Variants in DPP6 observed in about 807,000 individuals in gnomAD.
DPP6 encodes A-type potassium channel modulatory protein DPP6.
DPP6 carries 69 observed loss-of-function variants against 122.6 expected under a neutral mutation model. That is an observed-to-expected ratio of 0.56 (90% CI 0.46 to 0.69). The LOEUF (loss-of-function observed/expected upper bound fraction) is 0.69. Among genes scored for constraint, DPP6 ranks in the 30% least tolerant of loss-of-function variants. The pLI is 0.00. For synonymous variants in DPP6, 418 were observed against 433.1 expected (o/e 0.97, Z 0.43); for missense variants, 928 against 1,116.9 (o/e 0.83, Z 2.41).
In DPP6 at chr7:154,828,214, G is replaced by A. The variant is rs1584817747; in HGVS notation, c.1666+21102G>A. 3.9e-5 allele frequency among the ~76,000 whole-genome samples: 6 copies of A among 152,306 alleles called. 2 individuals carry two copies. The highest frequency in any genetic ancestry group is 3.9e-4 in the Admixed American group (6 of 15,304). On this transcript the variant is annotated intron_variant, in intron 16 of 25. Coordinates refer to ENST00000377770, the MANE Select transcript of DPP6 (RefSeq NM_130797.4). ...ATACACAGCCCCAAGAGCATTTGGG[G>A]AAGATGGGGCATCAGCTCAGGGATT...
intron 3 of DPP6, among the ~76,000 whole-genome samples, chr7:154,492,928 G>T (rs990223716): frequency 2.6e-5 from 4 of 152,200 alleles, no homozygotes; most frequent in African/African-American, 9.6e-5. Flanking sequence ...GAACTAAGAT[G>T]TAACCCAAAT....
intron 1 of DPP6, among the ~76,000 whole-genome samples, chr7:154,076,050 C>T (rs1280458227): frequency 1.3e-5 from 2 of 151,792 alleles, no homozygotes; most frequent in Non-Finnish European, 2.9e-5. Flanking sequence ...TGTCACTGCT[C>T]AGGTCCTGCT....
intron 5 of DPP6, among the ~76,000 whole-genome samples, chr7:154,569,065 G>A (rs985248548): frequency 6.6e-6 from 1 of 152,022 alleles, no homozygotes; most frequent in Admixed American, 6.6e-5. Flanking sequence ...TACAATCCAA[G>A]TTCTTGAAAT....
intron 2 of DPP6, among the ~76,000 whole-genome samples, chr7:154,460,056 A>C (rs961389502): frequency 7.5e-6 from 1 of 132,900 alleles, no homozygotes; most frequent in African/African-American, 2.9e-5. Context: ...ATCCTAGCTC[A>C]CCACAACCTC....
intron 1 of DPP6, among the ~76,000 whole-genome samples, chr7:154,342,933 A>G (rs1265051167): frequency 6.6e-6 from 1 of 152,220 alleles, no homozygotes; most frequent in Non-Finnish European, 1.5e-5. Flanking sequence ...AAATTTATTT[A>G]TTAAAGAAAC....
chr7:153,955,735 G>C (rs1019387952), intron 1 of DPP6, among the ~76,000 whole-genome samples: 1 of 152,138 alleles, frequency 6.6e-6, no homozygotes, highest in Non-Finnish European at 1.5e-5. Flanking sequence ...CACTGCGCCC[G>C]GCCCGTTGTT....
chr7:154,673,372 C>A lies in DPP6; in HGVS notation c.762+3931C>A, dbSNP rs140500288. ...GAGCCCCTATATCACAGGTGATGAC[C>A]CAGGGAACCAGGGATGGGTGAGGGC... On this transcript the variant is annotated intron_variant, in intron 7 of 25. Transcript: ENST00000377770. Among the ~76,000 whole-genome samples, 363 of 152,208 alleles carry A rather than the reference C, an allele frequency of 2.4e-3. 2 individuals are homozygous for A. The highest frequency in any genetic ancestry group is 7.9e-3 in the African/African-American group (329 of 41,508).
intron 1 of DPP6, among the ~76,000 whole-genome samples, chr7:153,919,025 A>C (rs1026572692): frequency 1.3e-5 from 2 of 151,466 alleles, no homozygotes; most frequent in Non-Finnish European, 2.9e-5. Context: ...AATCAGAACT[A>C]TCCTGTGTGC....
chr7:154,621,741 C>A (rs1254855261), intron 5 of DPP6, among the ~76,000 whole-genome samples: 1 of 152,078 alleles, frequency 6.6e-6, no homozygotes, highest in Non-Finnish European at 1.5e-5. Context: ...TTCCCATGCC[C>A]TTCTCTTGGT....
At chr7:154,088,776 C>G (rs886936597) in intron 1 of DPP6, among the ~76,000 whole-genome samples, 4 of 152,174 alleles carry the variant, frequency 2.6e-5, no homozygotes, top group Middle Eastern at 3.4e-3. Flanking sequence ...AAGAGAAACT[C>G]GTGCTTTCCT....
chr7:154,776,199 T>TGATAGATAGATA (rs5888595), intron 10 of DPP6, among the ~76,000 whole-genome samples: 29,617 of 148,390 alleles, frequency 0.2, 3,144 homozygotes, highest in Non-Finnish European at 0.22. Context: ...CCATGATAGA[T>TGATAGATAGATA]GATAGATAGA....
intron 5 of DPP6, among the ~76,000 whole-genome samples, chr7:154,567,889 T>A (rs1830861509): frequency 6.6e-6 from 1 of 152,238 alleles, no homozygotes; most frequent in Non-Finnish European, 1.5e-5. Context: ...AATTCTGAAT[T>A]CTTAAACTTT....
intron 1 of DPP6, among the ~76,000 whole-genome samples, chr7:154,194,288 C>G (rs1020132227): frequency 6.6e-6 from 1 of 152,096 alleles, no homozygotes; most frequent in Non-Finnish European, 1.5e-5. Flanking sequence ...AAAATATAAC[C>G]AGGGGGTGAA....
At chr7:154,673,416 G>A (rs1340942456) in intron 7 of DPP6, among the ~76,000 whole-genome samples, 2 of 152,168 alleles carry the variant, frequency 1.3e-5, no homozygotes, top group East Asian at 1.9e-4. Flanking sequence ...CCAGTGCCTC[G>A]ATGTGGTTGC....
chr7:153,767,240 T>C, the DPP6 span, among the ~76,000 whole-genome samples: 11 of 152,232 alleles, frequency 7.2e-5, no homozygotes, highest in African/African-American at 2.7e-4. Flanking sequence ...CTTCTACCAG[T>C]TACATTATAG....
At chr7:154,808,442 G>A (rs1290363390) in intron 16 of DPP6, among the ~76,000 whole-genome samples, 2 of 152,110 alleles carry the variant, frequency 1.3e-5, no homozygotes, top group East Asian at 3.9e-4. Context: ...AACGTTAATG[G>A]TACCAAATTC....
At chr7:154,242,424 C>A (rs62484154) in intron 1 of DPP6, among the ~76,000 whole-genome samples, 26,062 of 150,282 alleles carry the variant, frequency 0.17, 2,460 homozygotes, top group Non-Finnish European at 0.21. Context: ...ATATATATTC[C>A]CATAGGCTAG....
At chr7:154,830,695 G>T (rs899689119) in intron 16 of DPP6, among the ~76,000 whole-genome samples, 2 of 152,214 alleles carry the variant, frequency 1.3e-5, no homozygotes, top group Non-Finnish European at 2.9e-5. Flanking sequence ...ACTTCATTTT[G>T]ATCAGATGGC....
intron 1 of DPP6, among the ~76,000 whole-genome samples, chr7:154,268,182 T>G (rs1190612692): frequency 6.6e-6 from 1 of 152,142 alleles, no homozygotes; most frequent in Non-Finnish European, 1.5e-5. Flanking sequence ...ATAAAAGTGA[T>G]TGTCTCACCA....
Sources: allele counts gnomAD v4.1 joint callset (sites outside exome capture counted in the v4.1 genomes callset), GRCh38; gene constraint gnomAD v4.1.1; transcripts MANE v1.5; gene names NCBI Gene and HGNC (gene_info 2026-07-23, HGNC 2026-07-21).